The following TRIB2 variants were observed in gnomAD, a reference collection of about 807,000 sequenced individuals.
The protein encoded by TRIB2 is tribbles pseudokinase 2.
A neutral mutation model predicts 26.8 loss-of-function variants in TRIB2; 2 were observed. The ratio of observed to expected loss-of-function variants is 0.07; its 90% CI spans 0.03 to 0.24. The LOEUF is 0.24. TRIB2 is among the 10% of genes least tolerant of loss of function. The pLI is 1.00. For missense variants in TRIB2, 306 were observed against 449.0 expected (o/e 0.68, Z 2.88); for synonymous variants, 189 against 187.3 (o/e 1.01, Z -0.08).
chr2:12,718,066 A>G lies in TRIB2; in HGVS notation c.-242A>G. The stretch of plus-strand genomic sequence containing the variant: ...GCACATCGCCGACTGCTTTGGGGTA[A>G]CAAAAAGACCCGAGTTGCCTGCCGA... On this transcript the variant is annotated 5_prime_UTR_variant, in exon 1 of 3. Coordinates refer to ENST00000155926, the MANE Select transcript of TRIB2 (RefSeq NM_021643.4). The surrounding 1 kb of genome is among the most constrained non-coding windows in gnomAD (Gnocchi z 4.0). The G allele has an allele frequency of 5.3e-6, 3 of 570,434 alleles. No individual in the cohort carries two copies. The South Asian group carries it at 6.9e-5, about 13-fold the overall frequency. The allele number at this position is 570,434 out of a possible 1,614,324, so 35.3% of individuals were successfully genotyped here. A position where few individuals can be genotyped will look rare whatever the true frequency, so the allele number is the denominator to read the frequency against.
intron 1 of TRIB2, among the ~76,000 whole-genome samples, chr2:12,720,937 T>G (rs192632999): frequency 3.3e-4 from 50 of 152,326 alleles, no homozygotes; most frequent in African/African-American, 1.1e-3. Context: ...ACTTTTTTTT[T>G]GCAAATGTTA....
At chr2:12,731,758 G>T (rs1036509263) in intron 2 of TRIB2, among the ~76,000 whole-genome samples, 1 of 152,174 alleles carries the variant, frequency 6.6e-6, no homozygotes, top group Non-Finnish European at 1.5e-5. Flanking sequence ...GGCCCTGCGA[G>T]TGGGTGCAGA....
At chr2:12,738,656 A>T (rs1258105577) in intron 2 of TRIB2, among the ~76,000 whole-genome samples, 1 of 152,164 alleles carries the variant, frequency 6.6e-6, no homozygotes, top group Non-Finnish European at 1.5e-5. Flanking sequence ...CTTTCCACTC[A>T]AAGAACAGTA....
Position 12,720,985 on chromosome 2 carries a change from T to A in TRIB2, c.271-2275T>A, listed in dbSNP as rs77937402. 4.3e-3 allele frequency among the ~76,000 whole-genome samples: 653 copies of A among 152,282 alleles called. 5 individuals are homozygous for A. Among genetic ancestry groups the A allele is most frequent in the African/African-American group, 0.015 (621 of 41,538 alleles). The stretch of plus-strand genomic sequence containing the variant: ...TAATCTTACTGCCTTATCTGAACTG[T>A]CACATTACATAACCAAGGCTCCAAA... On this transcript the variant is annotated intron_variant, in intron 1 of 2. Coordinates refer to ENST00000155926, the MANE Select transcript of TRIB2 (RefSeq NM_021643.4).
intron 1 of TRIB2, among the ~76,000 whole-genome samples, chr2:12,722,163 A>G (rs1661233421): frequency 6.6e-6 from 1 of 152,144 alleles, no homozygotes. Context: ...ATTTCCTACC[A>G]CACTGCAAAA....
intron 2 of TRIB2, among the ~76,000 whole-genome samples, chr2:12,725,427 A>G (rs1191544860): frequency 1.3e-5 from 2 of 152,234 alleles, no homozygotes; most frequent in African/African-American, 2.4e-5. Context: ...TCCAGAGGTG[A>G]GAGCACGCCC....
intron 2 of TRIB2, chr2:12,724,646 G>T (rs766840958): frequency 3.7e-6 from 6 of 1,612,736 alleles, no homozygotes; most frequent in Non-Finnish European, 5.1e-6. Context: ...TGCCCCTGGA[G>T]CCTGGAGATG....
intron 2 of TRIB2, among the ~76,000 whole-genome samples, chr2:12,739,486 A>AGGTGATCCG (rs1553310103): frequency 1.0e-4 from 7 of 68,504 alleles, no homozygotes; most frequent in Non-Finnish European, 2.1e-4. Context: ...TCTTGAACTC[A>AGGTGATCCG]CCCGCCTTGG....
At chr2:12,720,329 C>T (rs558558581) in intron 1 of TRIB2, among the ~76,000 whole-genome samples, 36 of 152,280 alleles carry the variant, frequency 2.4e-4, no homozygotes, top group Non-Finnish European at 4.4e-4. Flanking sequence ...TTGAATCAGC[C>T]CCTCACCAAT....
In TRIB2 at chr2:12,741,253, G is replaced by A. The variant is rs1661704817; in HGVS notation, c.*459G>A. On this transcript the variant is annotated 3_prime_UTR_variant, in exon 3 of 3. Transcript: ENST00000155926. ...TTTAAACAAGCCAACCACCTAGCTG[G>A]TAATTAATGAGGTTCACTTAAAAAA... 1 of 157,286 alleles carries A rather than the reference G, an allele frequency of 6.4e-6. No individual in the cohort carries two copies. The highest frequency in any genetic ancestry group is 6.1e-5 in the Admixed American group (1 of 16,306). 9.7% of individuals were successfully genotyped at this position (157,286 alleles called of 1,614,324 possible). A position where few individuals can be genotyped will look rare whatever the true frequency, so the allele number is the denominator to read the frequency against.
Position 12,723,298 on chromosome 2 carries a change from G to T in TRIB2, c.309G>T (p.Pro103=). The change falls in exon 2 of 3, where the codon CCG becomes CCT. Residue 103 remains proline, a synonymous_variant. Transcript: ENST00000155926. ...DISCYQESLA[P]CFCLSAHSNI... is the part of the protein sequence containing the mutation. ...GCTGCTACCAGGAATCCCTGGCACC[G>T]TGCTTTTGCCTGTCTGCTCATAGTA... is the stretch of plus-strand genomic sequence containing the variant. 1.9e-6 allele frequency: 3 copies of T among 1,614,100 alleles called. No individual in the cohort carries two copies. The highest frequency in any genetic ancestry group is 2.5e-6 in the Non-Finnish European group (3 of 1,180,036).
rs1666658152 is a variant in TRIB2, at chr2:12,718,774, G to T, written c.270+197G>T. On this transcript the variant is annotated intron_variant, in intron 1 of 2. Coordinates refer to ENST00000155926, the MANE Select transcript of TRIB2 (RefSeq NM_021643.4). The surrounding 1 kb of genome is among the most constrained non-coding windows in gnomAD (Gnocchi z 4.0). Reference sequence around the variant, plus strand: ...GTTTCAGACAATGGGGCGGGCGGCAGTGGGGGCGTTTCGGGGAGAGCCCGG... The same window carrying T: ...GTTTCAGACAATGGGGCGGGCGGCATTGGGGGCGTTTCGGGGAGAGCCCGG... Among the ~76,000 whole-genome samples the T allele has an allele frequency of 6.6e-6, 1 of 152,160 alleles. No homozygotes were observed. Among genetic ancestry groups the T allele is most frequent in the Non-Finnish European group, 1.5e-5 (1 of 68,032 alleles).
At chr2:12,723,586 GA>G in intron 2 of TRIB2, 34 bp downstream of exon 2, 1 of 1,594,476 alleles carries the variant, frequency 6.3e-7, no homozygotes, top group Non-Finnish European at 8.6e-7. Context: ...TGGGTACTGT[GA>G]TGGACTGCTC....
intron 2 of TRIB2, among the ~76,000 whole-genome samples, chr2:12,739,305 G>A (rs912138313): frequency 3.9e-5 from 6 of 152,154 alleles, no homozygotes; most frequent in Non-Finnish European, 8.8e-5. Context: ...TGTCACCCAG[G>A]CTGGAATGCA....
intron 2 of TRIB2, among the ~76,000 whole-genome samples, chr2:12,733,778 T>C (rs1661509814): frequency 6.6e-6 from 1 of 152,210 alleles, no homozygotes; most frequent in Non-Finnish European, 1.5e-5. Flanking sequence ...CTATTTGTTC[T>C]TATTTTACAG....
chr2:12,737,078 C>T (rs13016655), intron 2 of TRIB2, among the ~76,000 whole-genome samples: 50,227 of 151,764 alleles, frequency 0.33, 10,117 homozygotes, highest in East Asian at 0.74. Flanking sequence ...GGGAGTGTGG[C>T]CCAAGAGATG....
chr2:12,734,399 G>T (rs1340549406), intron 2 of TRIB2, among the ~76,000 whole-genome samples: 2 of 152,068 alleles, frequency 1.3e-5, no homozygotes. Flanking sequence ...CACAGAGCTG[G>T]GGAAAAGCAT....
chr2:12,730,915 T>C (rs1165129249), intron 2 of TRIB2, among the ~76,000 whole-genome samples: 1 of 152,202 alleles, frequency 6.6e-6, no homozygotes, highest in African/African-American at 2.4e-5. Context: ...CTCTAGACAT[T>C]GCCATGCATA....
chr2:12,726,956 C>T (rs915621433), intron 2 of TRIB2, among the ~76,000 whole-genome samples: 2 of 152,178 alleles, frequency 1.3e-5, no homozygotes, highest in African/African-American at 4.8e-5. Flanking sequence ...GTTAGTGGAA[C>T]TGCCAGCGCC....
Sources: allele counts gnomAD v4.1 joint callset (sites outside exome capture counted in the v4.1 genomes callset), GRCh38; gene constraint gnomAD v4.1.1; non-coding constraint Gnocchi (gnomAD v3.1); transcripts MANE v1.5; gene names NCBI Gene and HGNC (gene_info 2026-07-23, HGNC 2026-07-21).